Variants in TBC1D19 observed in about 807,000 individuals in gnomAD.
TBC1D19 encodes TBC1 domain family member 19.
In TBC1D19, 60 loss-of-function variants were observed where a neutral mutation model predicts 89.0. That is an observed-to-expected ratio of 0.67 (90% CI 0.55 to 0.84). The LOEUF is 0.84. Ranked by LOEUF, TBC1D19 falls within the 40% of genes least tolerant of loss-of-function variation. The pLI, the probability that TBC1D19 is intolerant of heterozygous loss-of-function variation, is 0.00. For missense variants in TBC1D19, 500 were observed against 610.8 expected (o/e 0.82, Z 1.91); for synonymous variants, 189 against 199.7 (o/e 0.95, Z 0.45).
the TBC1D19 span, among the ~76,000 whole-genome samples, chr4:26,770,602 A>G: frequency 6.6e-6 from 1 of 152,102 alleles, no homozygotes; most frequent in African/African-American, 2.4e-5. Context: ...GAACAACATT[A>G]TTAACCAACT....
the TBC1D19 span, chr4:26,858,416 G>T: frequency 6.6e-6 from 1 of 152,400 alleles, no homozygotes. Flanking sequence ...AGGAGAGAAA[G>T]CTTTGGGGTG....
downstream of TBC1D19, among the ~76,000 whole-genome samples, chr4:26,756,560 C>A (rs1007789651): frequency 1.3e-5 from 2 of 152,086 alleles, no homozygotes; most frequent in African/African-American, 4.8e-5. Context: ...GAGGGACTGG[C>A]AACAAATGGT....
intron 4 of TBC1D19, among the ~76,000 whole-genome samples, chr4:26,633,243 A>C (rs1462568668): frequency 6.6e-6 from 1 of 152,064 alleles, no homozygotes; most frequent in East Asian, 1.9e-4. Flanking sequence ...AGCATTGGCA[A>C]ATCTTTTCCA....
chr4:26,791,643 T>A, the TBC1D19 span, among the ~76,000 whole-genome samples: 3 of 152,116 alleles, frequency 2.0e-5, no homozygotes, highest in African/African-American at 7.2e-5. Context: ...TCTGGATATA[T>A]TTGGAACATA....
intron 3 of TBC1D19, among the ~76,000 whole-genome samples, chr4:26,616,093 C>T (rs931216989): frequency 6.6e-6 from 1 of 151,588 alleles, no homozygotes; most frequent in Admixed American, 6.6e-5. Flanking sequence ...TATTTTTATT[C>T]CTCATTTGGG....
Position 26,742,531 on chromosome 4 carries a change from G to A in TBC1D19, c.1251G>A (p.Leu417=). The change falls in exon 18 of 21, where the codon CTG becomes CTA. Residue 417 remains leucine (L), a synonymous_variant. Transcript: ENST00000264866. ...HPSGIVSLCL[L]FETLLQTYLP... The stretch of plus-strand genomic sequence containing the variant: ...AGGGTATTGTGTCACTCTGTCTGCT[G>A]TTTGAAACTCTTCTTCAAACTTATC... 6.2e-7 allele frequency: 1 copy of A among 1,612,024 alleles called. No homozygotes were observed. Among genetic ancestry groups the A allele is most frequent in the South Asian group, 1.1e-5 (1 of 90,736 alleles).
chr4:26,586,496 C>G (rs965489306), intron 1 of TBC1D19, among the ~76,000 whole-genome samples: 1 of 152,028 alleles, frequency 6.6e-6, no homozygotes, highest in African/African-American at 2.4e-5. Context: ...TAAATTACTA[C>G]AAAAATTGTT....
chr4:26,748,870 T>C lies in TBC1D19; in HGVS notation c.1435+344T>C, dbSNP rs73114677. On this transcript the variant is annotated intron_variant, in intron 19 of 20. Transcript: ENST00000264866. ...GTGTAGATATACTTCCCTTCTACTC[T>C]GGACTCCCCTGGCTACCTTAGCAGT... Among the ~76,000 whole-genome samples the C allele has an allele frequency of 2.7e-3, 414 of 152,226 alleles. 4 individuals are homozygous for C. Among genetic ancestry groups the C allele is most frequent in the African/African-American group, 9.2e-3 (384 of 41,530 alleles).
intron 15 of TBC1D19, among the ~76,000 whole-genome samples, chr4:26,732,580 A>G (rs932735650): frequency 3.9e-5 from 6 of 152,218 alleles, no homozygotes; most frequent in African/African-American, 1.2e-4. Context: ...AGGAGTCCGA[A>G]GCAGGGTTTG....
At chr4:26,825,377 A>G in the TBC1D19 span, among the ~76,000 whole-genome samples, 4 of 152,172 alleles carry the variant, frequency 2.6e-5, no homozygotes, top group Non-Finnish European at 5.9e-5. Context: ...GATTACAGGC[A>G]TGAGCCACCA....
At chr4:26,832,627 G>A in the TBC1D19 span, among the ~76,000 whole-genome samples, 3 of 152,150 alleles carry the variant, frequency 2.0e-5, no homozygotes, top group Non-Finnish European at 4.4e-5. Flanking sequence ...AATGACTTCA[G>A]AGGAAAAAGA....
chr4:26,733,463 AC>A (rs1717783521), intron 15 of TBC1D19, among the ~76,000 whole-genome samples: 1 of 2,144 alleles, frequency 4.7e-4, no homozygotes, highest in Non-Finnish European at 0.023. Flanking sequence ...ATGCAAAGAC[AC>A]ACACACACAC....
chr4:26,681,334 T>C (rs1039325760), intron 11 of TBC1D19, among the ~76,000 whole-genome samples: 1 of 151,538 alleles, frequency 6.6e-6, no homozygotes, highest in African/African-American at 2.4e-5. Flanking sequence ...GTTCAGGAGA[T>C]GGAGATCATC....
the TBC1D19 span, among the ~76,000 whole-genome samples, chr4:26,842,643 T>TCTTC: frequency 6.8e-6 from 1 of 147,888 alleles, no homozygotes; most frequent in Non-Finnish European, 1.5e-5. Context: ...TTTCTTTCTT[T>TCTTC]CTTTTTCTTT....
At chr4:26,620,124 A>G (rs1421728837) in intron 3 of TBC1D19, among the ~76,000 whole-genome samples, 1 of 152,136 alleles carries the variant, frequency 6.6e-6, no homozygotes, top group East Asian at 1.9e-4. Flanking sequence ...TGATCCTTAA[A>G]CATTTCAAGC....
the TBC1D19 span, among the ~76,000 whole-genome samples, chr4:26,851,315 AT>A: frequency 7.0e-6 from 1 of 143,314 alleles, no homozygotes; most frequent in Non-Finnish European, 1.6e-5. Context: ...CTATCTATCT[AT>A]CTATCTATCT....
At chr4:26,732,269 C>T (rs1400295231) in intron 15 of TBC1D19, among the ~76,000 whole-genome samples, 2 of 152,164 alleles carry the variant, frequency 1.3e-5, no homozygotes, top group Admixed American at 1.3e-4. Context: ...ACAATCATCA[C>T]ATGAAGCTAG....
intron 1 of TBC1D19, among the ~76,000 whole-genome samples, chr4:26,603,711 T>C (rs2109988777): frequency 6.6e-6 from 1 of 152,326 alleles, no homozygotes; most frequent in East Asian, 1.9e-4. Flanking sequence ...TTCTCTTTAT[T>C]TTTGAAAATA....
chr4:26,835,773 G>A, the TBC1D19 span, among the ~76,000 whole-genome samples: 10 of 152,208 alleles, frequency 6.6e-5, no homozygotes, highest in South Asian at 6.2e-4. Flanking sequence ...ATCATGTCAC[G>A]TTTCTACTAT....
Sources: gnomAD v4.1 joint callset for allele counts (sites outside exome capture counted in the v4.1 genomes callset) on GRCh38, gnomAD v4.1.1 for gene constraint, MANE v1.5 for transcripts, NCBI Gene and HGNC (gene_info 2026-07-23, HGNC 2026-07-21) for gene names.